The following DSP variants were observed in gnomAD, a reference collection of about 807,000 sequenced individuals.
DSP encodes the protein desmoplakin.
DSP carries 114 observed loss-of-function variants against 290.6 expected under a neutral mutation model. The observed-to-expected ratio is 0.39, with a 90% CI of 0.34 to 0.46. The LOEUF (loss-of-function observed/expected upper bound fraction) is 0.46. Ranked by LOEUF, DSP falls within the 20% of genes least tolerant of loss-of-function variation. The pLI is 0.99. For missense variants in DSP, 3,230 were observed against 3,495.8 expected (o/e 0.92, Z 1.92); for synonymous variants, 1,311 against 1,316.4 (o/e 1.00, Z 0.09).
In DSP at chr6:7,567,894, C is replaced by A; in HGVS notation, c.1254C>A (p.Ile418=). The A allele has an allele frequency of 1.2e-6, 2 of 1,613,838 alleles. No individual in the cohort carries two copies. Among genetic ancestry groups the A allele is most frequent in the East Asian group, 2.2e-5 (1 of 44,868 alleles). ...NMPLQHLLEQ[I]KELEKEREKI... ...CCCTGCAGCACCTGCTGGAACAGAT[C>A]AAGGAGCTGGAGGTATCGTCTCAGA... Residue 418 remains isoleucine, a synonymous_variant, in exon 10 of 24, where the codon ATC becomes ATA. Coordinates refer to ENST00000379802, the MANE Select transcript of DSP (RefSeq NM_004415.4).
At chr6:7,572,470 G>C (rs1759085625) in intron 15 of DSP, among the ~76,000 whole-genome samples, 1 of 152,162 alleles carries the variant, frequency 6.6e-6, no homozygotes, top group East Asian at 1.9e-4. Context: ...AGGTGTGTCA[G>C]CTCCTAACTC....
At position 7,541,884 on chromosome 6, in the gene DSP, G is replaced by T. The variant is rs1342207753; in HGVS notation, c.-32G>T. On this transcript the variant is annotated 5_prime_UTR_variant, in exon 1 of 24. Coordinates refer to ENST00000379802, the MANE Select transcript of DSP (RefSeq NM_004415.4). ...GCCGGCCCGCCTCGCTTATGCCTCG[G>T]CGCTGAGCCGCTCTCCCGATTGCCC... 4 of 1,596,382 alleles carry T rather than the reference G, an allele frequency of 2.5e-6. No homozygotes were observed. The highest frequency in any genetic ancestry group is 1.3e-5 in the African/African-American group (1 of 74,418).
chr6:7,585,336 C>T lies in DSP; in HGVS notation c.8074C>T (p.Gln2692Ter). The T allele has an allele frequency of 6.2e-7, 1 of 1,614,100 alleles. No individual in the cohort carries two copies. The highest frequency in any genetic ancestry group is 2.2e-5 in the East Asian group (1 of 44,874). ...QDMATRLKPA[Q>*]KAFIGFEGVK... ...CATGGCCACCAGGCTGAAGCCTGCTCAGAAAGCCTTCATAGGCTTCGAGGG... is the reference window on the plus strand; with the variant it reads ...CATGGCCACCAGGCTGAAGCCTGCTTAGAAAGCCTTCATAGGCTTCGAGGG... Residue 2692 changes from glutamine (Q) to a stop codon, truncating the protein, a stop_gained, in exon 24 of 24, where the codon CAG becomes TAG. Coordinates refer to ENST00000379802, the MANE Select transcript of DSP (RefSeq NM_004415.4). LOFTEE classifies it high-confidence loss of function.
Position 7,541,886 on chromosome 6 carries a change from G to T in DSP, c.-30G>T, listed in dbSNP as rs993872832. On this transcript the variant is annotated 5_prime_UTR_variant, in exon 1 of 24. Transcript: ENST00000379802. Reference sequence around the variant, plus strand: ...CGGCCCGCCTCGCTTATGCCTCGGCGCTGAGCCGCTCTCCCGATTGCCCGC... The same window carrying T: ...CGGCCCGCCTCGCTTATGCCTCGGCTCTGAGCCGCTCTCCCGATTGCCCGC... The T allele has an allele frequency of 3.8e-5, 60 of 1,597,688 alleles. No individual in the cohort carries two copies. The highest frequency in any genetic ancestry group is 4.9e-5 in the Non-Finnish European group (58 of 1,174,532).
intron 1 of DSP, among the ~76,000 whole-genome samples, chr6:7,554,183 G>A (rs2113651518): frequency 6.7e-6 from 1 of 150,308 alleles, no homozygotes; most frequent in Middle Eastern, 3.4e-3. Context: ...CTGGCTGAAG[G>A]TAGGAAGAGC....
intron 18 of DSP, among the ~76,000 whole-genome samples, chr6:7,575,781 TGGAA>T (rs1759223360): frequency 6.6e-6 from 1 of 152,224 alleles, no homozygotes. Context: ...TTATGACTCT[TGGAA>T]GGAGTAGCTG....
In DSP at chr6:7,579,833, A is replaced by G. The variant is rs1759362338; in HGVS notation, c.3643A>G (p.Asn1215Asp). 1.2e-6 allele frequency: 2 copies of G among 1,614,166 alleles called. No homozygotes were observed. The highest frequency in any genetic ancestry group is 1.7e-6 in the Non-Finnish European group (2 of 1,180,036). The change falls in exon 23 of 24, where the codon AAC becomes GAC. Residue 1215 changes from asparagine (N) to aspartate (D), a missense_variant. Asn to Asp is a conservative substitution (Grantham distance 23, BLOSUM62 1). Transcript: ENST00000379802. The surrounding 1 kb of genome is among the most constrained non-coding windows in gnomAD (Gnocchi z 4.1). Reference sequence around the variant, plus strand: ...AAGGAACAAGTATGAAACAGAGATTAACATTACGAAGACCACCATCAAGGA... The same window carrying G: ...AAGGAACAAGTATGAAACAGAGATTGACATTACGAAGACCACCATCAAGGA... The part of the protein sequence containing the change: ...NLRNKYETEI[N>D]ITKTTIKEIS...
intron 14 of DSP, 41 bp from the exon 15 acceptor site, chr6:7,571,801 A>C (rs1759062078): frequency 6.3e-7 from 1 of 1,593,646 alleles, no homozygotes; most frequent in African/African-American, 1.3e-5. Flanking sequence ...CTTGATACCT[A>C]GGTATTCTCT....
chr6:7,552,830 T>G (rs75945653), intron 1 of DSP, among the ~76,000 whole-genome samples: 4,100 of 152,228 alleles, frequency 0.027, 97 homozygotes, highest in Middle Eastern at 0.044. Context: ...AGCCAATGTT[T>G]GGTTGCCTTA....
At position 7,583,502 on chromosome 6, in the gene DSP, C is replaced by T. The variant is rs757650857; in HGVS notation, c.6240C>T (p.Phe2080=). 90 of 1,613,988 alleles carry T rather than the reference C, an allele frequency of 5.6e-5. No individual in the cohort carries two copies. The highest frequency in any genetic ancestry group is 8.0e-5 in the African/African-American group (6 of 74,892). ...CCATAGCTCGGGACCTCATTGACTT[C>T]GATGACCGTCAGCAGATATATGCAG... ...DSAIARDLID[F]DDRQQIYAAE... is the part of the protein sequence containing the mutation. The change falls in exon 24 of 24, where the codon TTC becomes TTT. Residue 2080 remains phenylalanine, a synonymous_variant. Coordinates refer to ENST00000379802, the MANE Select transcript of DSP (RefSeq NM_004415.4). The surrounding 1 kb of genome is among the most constrained non-coding windows in gnomAD (Gnocchi z 4.0).
In DSP at chr6:7,552,446, C is replaced by G. The variant is rs547565528; in HGVS notation, c.171-3272C>G. Reference sequence around the variant, plus strand: ...GGCGTGGTGGTGCATGCCTGTAGTCCCAGCTACTCCAGAGGCTGAGGCAGG... The same window carrying G: ...GGCGTGGTGGTGCATGCCTGTAGTCGCAGCTACTCCAGAGGCTGAGGCAGG... On this transcript the variant is annotated intron_variant, in intron 1 of 23. Coordinates refer to ENST00000379802, the MANE Select transcript of DSP (RefSeq NM_004415.4). Among the ~76,000 whole-genome samples, 16 of 151,502 alleles carry G rather than the reference C, an allele frequency of 1.1e-4. No homozygotes were observed. The South Asian group carries it at 2.9e-3, about 28-fold the overall frequency.
At chr6:7,570,653 T>G (rs1759018517) in intron 13 of DSP, 90 bp downstream of exon 13, 1 of 1,577,666 alleles carries the variant, frequency 6.3e-7, no homozygotes, top group Non-Finnish European at 8.6e-7. Flanking sequence ...CTTCTTGCTG[T>G]GTAGCAGTGC....
At chr6:7,570,319 T>TTG (rs1165238825) in intron 12 of DSP, 118 bp from the exon 13 acceptor site, 97 of 1,460,344 alleles carry the variant, frequency 6.6e-5, no homozygotes, top group Non-Finnish European at 8.8e-5. Context: ...CCTCTACCTG[T>TTG]TACTTTATCA....
chr6:7,570,674 C>T (rs187056211), intron 13 of DSP, 111 bp downstream of exon 13: 42 of 1,514,402 alleles, frequency 2.8e-5, no homozygotes, highest in East Asian at 9.1e-5. Flanking sequence ...TTTTGTGTCT[C>T]GTCAAGCAAG....
chr6:7,583,339 A>C lies in DSP; in HGVS notation c.6077A>C (p.Lys2026Thr). ...ATCGCTGGAGCATCTGCTTCTCCTA[A>C]GGAAAAATACTCTTTGGTAGAGGCC... ...GSIAGASASP[K>T]EKYSLVEAKR... Residue 2026 changes from lysine to threonine, a missense_variant, in exon 24 of 24, where the codon AAG becomes ACG. Lys to Thr is a moderately conservative substitution (Grantham distance 78). Transcript: ENST00000379802. This position sits in a 1 kb window ranked among gnomAD's most constrained non-coding sequence, Gnocchi z 4.0. The C allele has an allele frequency of 6.2e-7, 1 of 1,614,190 alleles. No homozygotes were observed. Among genetic ancestry groups the C allele is most frequent in the South Asian group, 1.1e-5 (1 of 91,080 alleles).
At chr6:7,555,850 C>T (rs776532061) in intron 2 of DSP, 30 bp downstream of exon 2, 1 of 1,603,036 alleles carries the variant, frequency 6.2e-7, no homozygotes, top group African/African-American at 1.3e-5. Context: ...ATCGCTTCTC[C>T]CAAAGCCTTG....
chr6:7,582,941 C>G lies in DSP; in HGVS notation c.5679C>G (p.Asn1893Lys), dbSNP rs1367738238. The G allele has an allele frequency of 6.2e-7, 1 of 1,614,006 alleles. No homozygotes were observed. The highest frequency in any genetic ancestry group is 8.5e-7 in the Non-Finnish European group (1 of 1,180,022). Residue 1893 changes from asparagine (N) to lysine (K), a missense_variant, in exon 24 of 24, where the codon AAC becomes AAG. By Grantham distance (94) the Asn-to-Lys change is moderately conservative (BLOSUM62 0). This residue lies in a region of DSP where 1,714 missense variants were observed against 1,844.5 expected (regional missense o/e 0.93). Coordinates refer to ENST00000379802, the MANE Select transcript of DSP (RefSeq NM_004415.4). This position sits in a 1 kb window ranked among gnomAD's most constrained non-coding sequence, Gnocchi z 4.2. Reference protein sequence around the residue: ...SEREKSEREKNSLRSEIERLQ... With the variant: ...SEREKSEREKKSLRSEIERLQ... ...GAGAAAAGAGTGAGAGAGAGAAGAACAGTCTTAGGAGTGAGATCGAAAGAC... is the reference window on the plus strand; with the variant it reads ...GAGAAAAGAGTGAGAGAGAGAAGAAGAGTCTTAGGAGTGAGATCGAAAGAC...
intron 15 of DSP, among the ~76,000 whole-genome samples, chr6:7,572,604 ACTC>A (rs1363363616): frequency 1.3e-5 from 2 of 151,996 alleles, no homozygotes; most frequent in Non-Finnish European, 2.9e-5. Flanking sequence ...TAGAAGGTCA[ACTC>A]CTCTCTCTTC....
At position 7,584,246 on chromosome 6, in the gene DSP, G is replaced by T. The variant is rs751392306; in HGVS notation, c.6984G>T (p.Lys2328Asn). The T allele has an allele frequency of 6.2e-7, 1 of 1,614,172 alleles. No individual in the cohort carries two copies. Among genetic ancestry groups the T allele is most frequent in the Non-Finnish European group, 8.5e-7 (1 of 1,180,036 alleles). Reference protein sequence around the residue: ...RGLVGIEFKEKLLSAERAVTG... With the variant: ...RGLVGIEFKENLLSAERAVTG... ...TGGTGGGCATTGAGTTCAAAGAGAAGCTCCTGTCTGCAGAACGAGCTGTCA... is the reference window on the plus strand; with the variant it reads ...TGGTGGGCATTGAGTTCAAAGAGAATCTCCTGTCTGCAGAACGAGCTGTCA... The change falls in exon 24 of 24, where the codon AAG (lysine) becomes AAT (asparagine). Residue 2328 changes from lysine (K) to asparagine (N), a missense_variant. By Grantham distance (94) the Lys-to-Asn change is moderately conservative. This residue lies in a region of DSP where 207 missense variants were observed against 281.2 expected (regional missense o/e 0.74). Transcript: ENST00000379802. This position sits in a 1 kb window ranked among gnomAD's most constrained non-coding sequence, Gnocchi z 6.4.
Sources: allele counts gnomAD v4.1 joint callset (sites outside exome capture counted in the v4.1 genomes callset), GRCh38; gene constraint gnomAD v4.1.1; regional missense constraint gnomAD v4.1.1; non-coding constraint Gnocchi (gnomAD v3.1); transcripts MANE v1.5; gene names NCBI Gene and HGNC (gene_info 2026-07-23, HGNC 2026-07-21).